CDK14: variants seen among roughly 807,000 people sequenced by gnomAD.
CDK14 encodes the protein cyclin dependent kinase 14, also known as cyclin-dependent kinase 14.
In CDK14, 34 loss-of-function variants were observed where a neutral mutation model predicts 60.7. The observed-to-expected ratio is 0.56, with a 90% CI of 0.43 to 0.75. The LOEUF (loss-of-function observed/expected upper bound fraction) is 0.75, where lower values mean the gene tolerates loss of function less well. Among genes scored for constraint, CDK14 ranks in the 30% least tolerant of loss-of-function variants. CDK14 has a pLI of 0.00. For missense variants in CDK14, 482 were observed against 564.1 expected (o/e 0.85, Z 1.47); for synonymous variants, 197 against 203.7 (o/e 0.97, Z 0.28).
rs375023013 is a variant in CDK14, at chr7:90,760,539, C to T, written c.464+12764C>T. ...CACTAGTCTGATTACATTTTACAAGCTCTGCTGTAGGATGCTCCCGAGGCC... is the reference window on the plus strand; with the variant it reads ...CACTAGTCTGATTACATTTTACAAGTTCTGCTGTAGGATGCTCCCGAGGCC... On this transcript the variant is annotated intron_variant, in intron 4 of 14. Coordinates refer to ENST00000380050, the MANE Select transcript of CDK14 (RefSeq NM_001287135.2). 9.4e-4 allele frequency among the ~76,000 whole-genome samples: 143 copies of T among 152,260 alleles called. 1 individual carries two copies. The highest frequency in any genetic ancestry group is 3.3e-3 in the African/African-American group (138 of 41,550).
At chr7:91,144,086 A>G (rs901232571) in intron 14 of CDK14, among the ~76,000 whole-genome samples, 3 of 152,146 alleles carry the variant, frequency 2.0e-5, no homozygotes, top group Non-Finnish European at 4.4e-5. Flanking sequence ...GGCTACCTCT[A>G]AGGATAAAAT....
intron 14 of CDK14, among the ~76,000 whole-genome samples, chr7:91,139,228 C>G (rs1352339463): frequency 6.6e-6 from 1 of 151,844 alleles, no homozygotes; most frequent in African/African-American, 2.4e-5. Flanking sequence ...TTTTTAACTC[C>G]TTATTGGATA....
At chr7:91,164,186 A>C (rs550717208) in intron 14 of CDK14, among the ~76,000 whole-genome samples, 7 of 152,238 alleles carry the variant, frequency 4.6e-5, no homozygotes, top group Non-Finnish European at 8.8e-5. Context: ...CGGTATAGCT[A>C]TATGATGTTC....
intron 5 of CDK14, among the ~76,000 whole-genome samples, chr7:90,811,289 A>G (rs974400712): frequency 1.3e-5 from 2 of 152,056 alleles, no homozygotes; most frequent in African/African-American, 4.8e-5. Context: ...ATGGAACAGA[A>G]CAGAGCCCTC....
intron 2 of CDK14, among the ~76,000 whole-genome samples, chr7:90,651,197 G>T (rs189833593): frequency 1.6e-4 from 24 of 152,152 alleles, no homozygotes; most frequent in African/African-American, 5.1e-4. Flanking sequence ...GGATTCCTAG[G>T]TATTTTATTC....
At chr7:90,785,524 A>G (rs1481244290) in intron 4 of CDK14, among the ~76,000 whole-genome samples, 6 of 152,138 alleles carry the variant, frequency 3.9e-5, no homozygotes, top group Non-Finnish European at 8.8e-5. Flanking sequence ...TTCTTTATTG[A>G]TAACTTCTCT....
intron 1 of CDK14, among the ~76,000 whole-genome samples, chr7:90,603,113 A>G (rs767037493): frequency 3.3e-5 from 5 of 152,228 alleles, no homozygotes; most frequent in Non-Finnish European, 7.3e-5. Context: ...ATAAAGCAGC[A>G]AACACCTATG....
intron 12 of CDK14, among the ~76,000 whole-genome samples, chr7:91,098,157 TA>T (rs1253410184): frequency 1.3e-5 from 2 of 152,204 alleles, no homozygotes; most frequent in Non-Finnish European, 2.9e-5. Context: ...TGAAAGCATA[TA>T]TTTTCAAATT....
intron 10 of CDK14, among the ~76,000 whole-genome samples, chr7:90,991,886 C>T (rs1262525736): frequency 2.6e-5 from 4 of 152,112 alleles, no homozygotes; most frequent in African/African-American, 9.7e-5. Context: ...TAAGATTTTG[C>T]ATGTGAAACA....
intron 14 of CDK14, among the ~76,000 whole-genome samples, chr7:91,170,134 G>A (rs1483423598): frequency 6.6e-6 from 1 of 152,166 alleles, no homozygotes; most frequent in Non-Finnish European, 1.5e-5. Context: ...GTGATGACAC[G>A]AGCTGTTCCT....
rs1165792185 is a variant in CDK14, at chr7:90,919,281, A to G, written c.826+1557A>G. Among the ~76,000 whole-genome samples, 13 of 152,226 alleles carry G rather than the reference A, an allele frequency of 8.5e-5. No individual in the cohort carries two copies. The South Asian group carries it at 2.1e-3, about 24-fold the overall frequency. On this transcript the variant is annotated intron_variant, in intron 8 of 14. Transcript: ENST00000380050. ...CATTTGTCGTATATTTATAAAAAGC[A>G]TTTTTATAAATTTTGTCTGTATAAC... is the stretch of plus-strand genomic sequence containing the variant.
At chr7:90,614,006 C>CTT (rs34900577) in intron 2 of CDK14, among the ~76,000 whole-genome samples, 36,208 of 130,562 alleles carry the variant, frequency 0.28, 5,667 homozygotes, top group East Asian at 0.62. Context: ...GTCCCAAACA[C>CTT]TTTTTTTTTT....
At chr7:90,664,187 A>G (rs1470643046) in intron 2 of CDK14, among the ~76,000 whole-genome samples, 1 of 152,270 alleles carries the variant, frequency 6.6e-6, no homozygotes, top group Non-Finnish European at 1.5e-5. Context: ...CACATGAAAA[A>G]ATGCTCATCA....
intron 2 of CDK14, among the ~76,000 whole-genome samples, chr7:90,607,913 T>C (rs539622291): frequency 1.1e-3 from 161 of 152,334 alleles, no homozygotes; most frequent in African/African-American, 3.6e-3. Context: ...TTAGTTTCAG[T>C]CCTTTTCCCC....
At chr7:91,037,047 G>A (rs536049928) in intron 10 of CDK14, among the ~76,000 whole-genome samples, 6 of 152,328 alleles carry the variant, frequency 3.9e-5, no homozygotes, top group African/African-American at 1.4e-4. Flanking sequence ...TCTTATAGAA[G>A]TTTTTATTCA....
chr7:90,915,559 G>A (rs1793054607), intron 7 of CDK14, among the ~76,000 whole-genome samples: 1 of 152,218 alleles, frequency 6.6e-6, no homozygotes, highest in African/African-American at 2.4e-5. Context: ...CAGTTCAGTG[G>A]CCTTGGAGGC....
chr7:90,835,946 G>A (rs1790080646), intron 5 of CDK14, among the ~76,000 whole-genome samples: 1 of 152,174 alleles, frequency 6.6e-6, no homozygotes, highest in Non-Finnish European at 1.5e-5. Flanking sequence ...ACAATGGTAA[G>A]TATTTGTATA....
At chr7:91,173,078 A>T (rs1562980671) in intron 14 of CDK14, among the ~76,000 whole-genome samples, 1 of 152,176 alleles carries the variant, frequency 6.6e-6, no homozygotes. Context: ...AGAAAATGTC[A>T]TCTGTCCCCA....
At chr7:91,137,699 TG>T (rs1800327042) in intron 14 of CDK14, among the ~76,000 whole-genome samples, 1 of 140,758 alleles carries the variant, frequency 7.1e-6, no homozygotes, top group Admixed American at 7.1e-5. Context: ...GGGGGGTGTG[TG>T]TGTGTGTGTG....
Sources: allele counts gnomAD v4.1 joint callset (sites outside exome capture counted in the v4.1 genomes callset), GRCh38; gene constraint gnomAD v4.1.1; transcripts MANE v1.5; gene names NCBI Gene and HGNC (gene_info 2026-07-23, HGNC 2026-07-21).